Variants in MCPH1 observed in about 807,000 individuals in gnomAD.
MCPH1 encodes microcephalin 1.
MCPH1 carries 104 observed loss-of-function variants against 84.5 expected under a neutral mutation model. That is an observed-to-expected ratio of 1.23 (90% CI 1.05 to 1.45). The LOEUF is 1.45. Ranked by LOEUF, MCPH1 falls within the 40% of genes most tolerant of loss-of-function variation. The pLI is 0.00. For synonymous variants in MCPH1, 514 were observed against 366.8 expected, an observed-to-expected ratio of 1.40 and a Z score of -4.58; for missense variants, 1,498 against 1,005.7, an observed-to-expected ratio of 1.49 and a Z score of -6.62.
chr8:6,522,310 A>C (rs765116677), intron 12 of MCPH1, among the ~76,000 whole-genome samples: 6 of 152,006 alleles, frequency 3.9e-5, no homozygotes, highest in African/African-American at 1.5e-4. Context: ...AGCTGAGATC[A>C]TGCCACTGCA....
chr8:6,443,709 G>C (rs1466911504), intron 7 of MCPH1, among the ~76,000 whole-genome samples: 1 of 152,262 alleles, frequency 6.6e-6, no homozygotes, highest in Non-Finnish European at 1.5e-5. Context: ...GCTGGCAAGG[G>C]CAGTGGGAGG....
intron 12 of MCPH1, among the ~76,000 whole-genome samples, chr8:6,596,819 A>G (rs540696954): frequency 2.0e-5 from 3 of 152,358 alleles, no homozygotes; most frequent in Admixed American, 2.0e-4. Flanking sequence ...AAATGCTAAG[A>G]CACATGCAGC....
chr8:6,425,735 A>T (rs1301808173), intron 3 of MCPH1, among the ~76,000 whole-genome samples: 1 of 152,226 alleles, frequency 6.6e-6, no homozygotes, highest in African/African-American at 2.4e-5. Context: ...AAAGTTTGGC[A>T]AATGATCTTC....
intron 12 of MCPH1, chr8:6,532,407 C>G (rs1193600354): frequency 1.2e-6 from 2 of 1,614,140 alleles, no homozygotes; most frequent in Non-Finnish European, 1.7e-6. Context: ...TTTCTATCAT[C>G]ACAGCCGTCT....
intron 12 of MCPH1, among the ~76,000 whole-genome samples, chr8:6,603,506 A>G (rs745382782): frequency 6.6e-6 from 1 of 152,194 alleles, no homozygotes; most frequent in African/African-American, 2.4e-5. Flanking sequence ...GATCCTGTAG[A>G]GCGTTTATGC....
intron 12 of MCPH1, among the ~76,000 whole-genome samples, chr8:6,608,288 A>G (rs1446799223): frequency 6.6e-6 from 1 of 152,244 alleles, no homozygotes; most frequent in Admixed American, 6.5e-5. Flanking sequence ...AGGTGTTCAC[A>G]GGTGAGTAGG....
intron 3 of MCPH1, among the ~76,000 whole-genome samples, chr8:6,427,114 G>C (rs1801173317): frequency 6.6e-6 from 1 of 152,148 alleles, no homozygotes; most frequent in African/African-American, 2.4e-5. Context: ...GTAAGTATTT[G>C]TGTCTCTGAA....
chr8:6,570,777 A>G (rs1042982378), intron 12 of MCPH1, among the ~76,000 whole-genome samples: 3 of 149,672 alleles, frequency 2.0e-5, no homozygotes, highest in African/African-American at 7.4e-5. Flanking sequence ...TCGTGTGTGA[A>G]TGACATTTGG....
rs533024364 is a variant in MCPH1, at chr8:6,626,957, A to C, written c.2452+5266A>C. 6.1e-6 allele frequency: 6 copies of C among 984,956 alleles called. No individual in the cohort carries two copies. In the South Asian group the frequency reaches 2.8e-4, roughly 46 times the overall value. 61.0% of individuals were successfully genotyped at this position (984,956 alleles called of 1,614,324 possible). ...CATACATTTATGCTATTGTGGGAACATAATGTAATATTCTCAACAGCATTG... is the reference window on the plus strand; with the variant it reads ...CATACATTTATGCTATTGTGGGAACCTAATGTAATATTCTCAACAGCATTG... On this transcript the variant is annotated intron_variant, in intron 13 of 13. Coordinates refer to ENST00000344683, the MANE Select transcript of MCPH1 (RefSeq NM_024596.5).
intron 3 of MCPH1, among the ~76,000 whole-genome samples, chr8:6,431,026 G>A (rs117127982): frequency 6.6e-6 from 1 of 152,166 alleles, no homozygotes; most frequent in African/African-American, 2.4e-5. Context: ...TGCACACCTG[G>A]GCCTTGGGGC....
At chr8:6,616,078 T>G (rs1299408316) in intron 12 of MCPH1, 1 of 152,196 alleles carries the variant, frequency 6.6e-6, no homozygotes, top group Non-Finnish European at 1.5e-5. Flanking sequence ...GTTTCGCGTA[T>G]TCCGTACTTT....
chr8:6,562,728 C>T (rs1025924932), intron 12 of MCPH1: 3 of 1,613,696 alleles, frequency 1.9e-6, no homozygotes, highest in Non-Finnish European at 1.7e-6. Context: ...ATTCGAGCGG[C>T]GCGTCCCTCT....
chr8:6,515,054 A>G (rs2916729), intron 12 of MCPH1, among the ~76,000 whole-genome samples: 54,522 of 151,980 alleles, frequency 0.36, 9,969 homozygotes, highest in Middle Eastern at 0.49. Context: ...TCCAGGCTAA[A>G]GACCCCACCC....
At chr8:6,596,430 C>T (rs1190220884) in intron 12 of MCPH1, among the ~76,000 whole-genome samples, 1 of 152,134 alleles carries the variant, frequency 6.6e-6, no homozygotes, top group Admixed American at 6.5e-5. Context: ...GGGAAGTAGC[C>T]CCATCTGTCA....
chr8:6,546,483 G>A (rs1226051838), intron 12 of MCPH1, among the ~76,000 whole-genome samples: 1 of 152,116 alleles, frequency 6.6e-6, no homozygotes, highest in African/African-American at 2.4e-5. Context: ...TGCCTAACTG[G>A]CAAATATATT....
chr8:6,617,900 A>ATCTAATCT (rs1554480975), intron 12 of MCPH1, among the ~76,000 whole-genome samples: 19 of 143,134 alleles, frequency 1.3e-4, no homozygotes, highest in African/African-American at 4.0e-4. Context: ...CTATCTATCT[A>ATCTAATCT]ATCTATCTAT....
intron 2 of MCPH1, 110 bp from the exon 3 acceptor site, chr8:6,414,655 C>G (rs563048600): frequency 4.2e-6 from 5 of 1,179,214 alleles, no homozygotes; most frequent in South Asian, 1.4e-5. Context: ...GAGTGTTTCT[C>G]TGTCAGATGT....
At chr8:6,514,538 G>C in intron 12 of MCPH1, 1 of 728,198 alleles carries the variant, frequency 1.4e-6, no homozygotes. Context: ...TTCTTTAAAG[G>C]GGAGACTGAA....
chr8:6,635,180 T>C (rs1448227001), intron 13 of MCPH1: 1 of 152,206 alleles, frequency 6.6e-6, no homozygotes, highest in East Asian at 1.9e-4. Context: ...TAATGTCATT[T>C]TTAACATTGA....
Sources: allele counts gnomAD v4.1 joint callset (sites outside exome capture counted in the v4.1 genomes callset), GRCh38; gene constraint gnomAD v4.1.1; transcripts MANE v1.5; gene names NCBI Gene and HGNC (gene_info 2026-07-23, HGNC 2026-07-21).